The following FCHO1 variants were observed in gnomAD, a reference collection of about 807,000 sequenced individuals.
FCHO1 encodes the protein FCH and mu domain containing endocytic adaptor 1.
A neutral mutation model predicts 114.4 loss-of-function variants in FCHO1; 45 were observed. The ratio of observed to expected loss-of-function variants is 0.39; its 90% CI spans 0.31 to 0.50. The LOEUF is 0.50. FCHO1 is among the 20% of genes least tolerant of loss of function. The probability of loss-of-function intolerance (pLI) is 0.77; values close to 1 mark genes in which losing one functional copy is unlikely to be tolerated. For synonymous variants in FCHO1, 480 were observed against 488.9 expected (o/e 0.98, Z 0.24); for missense variants, 1,042 against 1,209.6 (o/e 0.86, Z 2.06).
In FCHO1 at chr19:17,767,691, A is replaced by T. The variant is rs537379980; in HGVS notation, c.336+881A>T. ...CATGTGAAAATTGTATGACAGTCAC[A>T]TATCAGTGCCAGTAAATAAAGTTTT... On this transcript the variant is annotated intron_variant, in intron 7 of 28. Transcript: ENST00000596536. Among the ~76,000 whole-genome samples the T allele has an allele frequency of 1.3e-3, 199 of 152,360 alleles. 1 individual carries two copies. Among genetic ancestry groups the T allele is most frequent in the African/African-American group, 4.4e-3 (181 of 41,584 alleles).
Position 17,781,552 on chromosome 19 carries a change from G to T in FCHO1, c.1828+13G>T, listed in dbSNP as rs771421258. 1.2e-6 allele frequency: 2 copies of T among 1,613,446 alleles called. No homozygotes were observed. The highest frequency in any genetic ancestry group is 1.7e-5 in the Admixed American group (1 of 60,004). The stretch of plus-strand genomic sequence containing the variant: ...CAGACAGGACACGGTATGTGAGGGC[G>T]GTCCTGGGCCTGGCTTTGGGCCTCA... On this transcript the variant is annotated intron_variant, in intron 22 of 28. Coordinates refer to ENST00000596536, the MANE Select transcript of FCHO1 (RefSeq NM_015122.3).
chr19:17,763,459 T>C (rs2146619055), intron 5 of FCHO1, among the ~76,000 whole-genome samples: 1 of 151,942 alleles, frequency 6.6e-6, no homozygotes, highest in Middle Eastern at 3.4e-3. Flanking sequence ...AGACGAGGTT[T>C]CACTATGTTG....
intron 19 of FCHO1, 81 bp from the exon 20 acceptor site, chr19:17,778,528 C>T (rs2092947872): frequency 2.1e-6 from 3 of 1,437,536 alleles, no homozygotes; most frequent in Admixed American, 2.5e-5. Flanking sequence ...CTTCCCTCGA[C>T]GTGGCCGTGG....
chr19:17,770,749 G>T (rs1347013998), intron 8 of FCHO1, 43 bp from the exon 9 acceptor site: 7 of 1,600,324 alleles, frequency 4.4e-6, no homozygotes, highest in African/African-American at 1.3e-5. Flanking sequence ...GAGGCCCCCT[G>T]AGTATCGCCC....
intron 20 of FCHO1, 64 bp downstream of exon 20, chr19:17,778,948 T>C (rs1177035330): frequency 4.2e-6 from 6 of 1,441,808 alleles, no homozygotes; most frequent in Non-Finnish European, 5.5e-6. Context: ...GAGCGCCTGC[T>C]TTGGGCAGGG....
intron 27 of FCHO1, 129 bp downstream of exon 27, chr19:17,786,758 A>G: frequency 9.8e-7 from 1 of 1,017,772 alleles, no homozygotes; most frequent in Non-Finnish European, 1.5e-6. Flanking sequence ...GAAGTCTTTA[A>G]AAGCTGGAGG....
At chr19:17,788,251 C>A in intron 28 of FCHO1, 33 bp from the exon 29 acceptor site, 5 of 1,368,510 alleles carry the variant, frequency 3.7e-6, no homozygotes, top group Non-Finnish European at 5.2e-6. Context: ...CCCCTCCTCC[C>A]CACCCCTCCC....
chr19:17,784,244 C>G lies in FCHO1; in HGVS notation c.2226+9C>G, dbSNP rs555693326. 6.3e-7 allele frequency: 1 copy of G among 1,593,576 alleles called. No individual in the cohort carries two copies. The highest frequency in any genetic ancestry group is 1.3e-5 in the African/African-American group (1 of 74,556). ...TGCTGCTGCGATACCAGGTGCGCCA[C>G]CCGCATGGGGCCGGGAGGAGGTGGT... On this transcript the variant is annotated intron_variant, in intron 25 of 28. Transcript: ENST00000596536. The surrounding 1 kb of genome is among the most constrained non-coding windows in gnomAD (Gnocchi z 5.3).
In FCHO1 at chr19:17,781,440, TTTCCCTTCCAGTCTCG is replaced by T; in HGVS notation, c.1741-5_1751del. On this transcript the variant is annotated splice_acceptor_variant and splice_polypyrimidine_tract_variant and coding_sequence_variant and intron_variant, in exon 22 of 29. Coordinates refer to ENST00000596536, the MANE Select transcript of FCHO1 (RefSeq NM_015122.3). LOFTEE classifies it high-confidence loss of function. Reference sequence around the variant, plus strand: ...GGGCACTCACAGCCAAGATTGTCTCTTTCCCTTCCAGTCTCGTTCCCTGAGCCCCTCCCCACTGGGC... The same window carrying T: ...GGGCACTCACAGCCAAGATTGTCTCTTTCCCTGAGCCCCTCCCCACTGGGC... The T allele has an allele frequency of 6.2e-7, 1 of 1,614,024 alleles. No individual in the cohort carries two copies. Among genetic ancestry groups the T allele is most frequent in the East Asian group, 2.2e-5 (1 of 44,888 alleles).
At chr19:17,761,505 A>G (rs761179964) in intron 4 of FCHO1, among the ~76,000 whole-genome samples, 15 of 151,358 alleles carry the variant, frequency 9.9e-5, no homozygotes, top group African/African-American at 2.2e-4. Context: ...TCATGTTGAT[A>G]TTTGTATTTT....
chr19:17,765,035 G>T (rs1193725096), intron 6 of FCHO1, among the ~76,000 whole-genome samples: 2 of 148,956 alleles, frequency 1.3e-5, no homozygotes, highest in African/African-American at 5.0e-5. Flanking sequence ...CTGCACTCCA[G>T]CCTGGGCAAT....
chr19:17,779,270 A>G (rs918555), intron 20 of FCHO1, among the ~76,000 whole-genome samples: 134,501 of 151,820 alleles, frequency 0.89, 60,056 homozygotes, highest in Middle Eastern at 0.97. Context: ...GGAAGGAGGA[A>G]GAAGAGAAGG....
rs748929489 is a variant in FCHO1 at position 17,781,445 on chromosome 19, C to T, written c.1741-7C>T. ...CTCACAGCCAAGATTGTCTCTTTCC[C>T]TTCCAGTCTCGTTCCCTGAGCCCCT... On this transcript the variant is annotated splice_region_variant and splice_polypyrimidine_tract_variant and intron_variant, in intron 21 of 28. Transcript: ENST00000596536. 2.2e-5 allele frequency: 36 copies of T among 1,613,948 alleles called. No individual in the cohort carries two copies. The highest frequency in any genetic ancestry group is 2.5e-5 in the Non-Finnish European group (29 of 1,179,972).
chr19:17,785,010 C>T (rs2093745813), intron 26 of FCHO1, 86 bp downstream of exon 26: 7 of 1,355,288 alleles, frequency 5.2e-6, no homozygotes, highest in Non-Finnish European at 7.2e-6. Flanking sequence ...TTAAAGGGTG[C>T]ACCCTCGGCC....
chr19:17,763,433 TTTTTA>T (rs2087238998), intron 5 of FCHO1, among the ~76,000 whole-genome samples: 1 of 151,930 alleles, frequency 6.6e-6, no homozygotes, highest in East Asian at 1.9e-4. Flanking sequence ...CTGGCTAATT[TTTTTA>T]TTTTTAGTAG....
rs998435242 is a variant in FCHO1, at chr19:17,774,716, T to G, written c.920+238T>G. 14 of 589,998 alleles carry G rather than the reference T, an allele frequency of 2.4e-5. No homozygotes were observed. The Middle Eastern group carries it at 1.8e-3, about 76-fold the overall frequency. The allele number at this position is 589,998 out of a possible 1,614,324, so 36.5% of individuals were successfully genotyped here. A position where few individuals can be genotyped will look rare whatever the true frequency, so the allele number is the denominator to read the frequency against. On this transcript the variant is annotated intron_variant, in intron 13 of 28. Transcript: ENST00000596536. Reference sequence around the variant, plus strand: ...TTGCTAGGTTAGGCCAGGAATTGCCTGTCCCAGAGTAACGTAGCATCTTCC... The same window carrying G: ...TTGCTAGGTTAGGCCAGGAATTGCCGGTCCCAGAGTAACGTAGCATCTTCC...
At chr19:17,788,249 CCCCA>C in intron 28 of FCHO1, 31 bp from the exon 29 acceptor site, 1 of 802,692 alleles carries the variant, frequency 1.2e-6, no homozygotes, top group Non-Finnish European at 2.0e-6. Context: ...TACCCCTCCT[CCCCA>C]CCCCTCCCCC....
chr19:17,776,909 T>C lies in FCHO1; in HGVS notation c.1259+223T>C, dbSNP rs1329719506. On this transcript the variant is annotated intron_variant, in intron 18 of 28. Coordinates refer to ENST00000596536, the MANE Select transcript of FCHO1 (RefSeq NM_015122.3). This position sits in a 1 kb window ranked among gnomAD's most constrained non-coding sequence, Gnocchi z 4.4. ...ACCTCCTGAGTTCAAGCGATTTTCA[T>C]GCCTCAGCCTCCTAAGTAGCTGAGA... is the stretch of plus-strand genomic sequence containing the variant. Among the ~76,000 whole-genome samples, 1 of 152,088 alleles carries C rather than the reference T, an allele frequency of 6.6e-6. No individual in the cohort carries two copies. Among genetic ancestry groups the C allele is most frequent in the Non-Finnish European group, 1.5e-5 (1 of 68,006 alleles).
intron 28 of FCHO1, 141 bp downstream of exon 28, chr19:17,787,987 G>T (rs2147595391): frequency 9.5e-7 from 1 of 1,053,636 alleles, no homozygotes. Flanking sequence ...CCAGATGGGG[G>T]GCACAGGTGG....
Sources: allele counts gnomAD v4.1 joint callset (sites outside exome capture counted in the v4.1 genomes callset), GRCh38; gene constraint gnomAD v4.1.1; non-coding constraint Gnocchi (gnomAD v3.1); transcripts MANE v1.5; gene names NCBI Gene and HGNC (gene_info 2026-07-23, HGNC 2026-07-21).